LRRC46: variants seen among roughly 807,000 people sequenced by gnomAD.
The protein encoded by LRRC46 is leucine-rich repeat-containing protein 46.
LRRC46 carries 20 observed loss-of-function variants against 28.0 expected under a neutral mutation model. That is an observed-to-expected ratio of 0.71 (90% CI 0.50 to 1.04). LRRC46 has a LOEUF of 1.04. Among genes scored for constraint, LRRC46 ranks in the 50% least tolerant of loss-of-function variants. The probability of loss-of-function intolerance (pLI) is 0.00; values close to 1 mark genes in which losing one functional copy is unlikely to be tolerated. For synonymous variants in LRRC46, 156 were observed against 158.8 expected (o/e 0.98, Z 0.13); for missense variants, 315 against 390.1 (o/e 0.81, Z 1.62).
intron 2 of LRRC46, chr17:47,833,842 C>G (rs2033664464): frequency 1.3e-6 from 1 of 759,872 alleles, no homozygotes. Context: ...CCTCGACCTC[C>G]TGGGCTCGAG....
At chr17:47,833,558 C>T (rs1475607178) in intron 2 of LRRC46, among the ~76,000 whole-genome samples, 3 of 151,380 alleles carry the variant, frequency 2.0e-5, no homozygotes, top group Non-Finnish European at 4.4e-5. Flanking sequence ...AAGCGATTCT[C>T]CAGCCTCAGC....
chr17:47,835,537 C>A, intron 4 of LRRC46, 129 bp from the exon 5 acceptor site: 1 of 1,367,472 alleles, frequency 7.3e-7, no homozygotes, highest in South Asian at 1.2e-5. Flanking sequence ...TCCCTCACCC[C>A]AGAAGGCCAT....
rs777289871 is a variant in LRRC46, at chr17:47,836,116, G to A, written c.452+14G>A. ...GGATGGCTACCGGTAAGGAGTGGAGGGTGGGAAGAAAGGTCATGGCTGAGC... is the reference window on the plus strand; with the variant it reads ...GGATGGCTACCGGTAAGGAGTGGAGAGTGGGAAGAAAGGTCATGGCTGAGC... On this transcript the variant is annotated intron_variant, in intron 6 of 7. Transcript: ENST00000269025. The surrounding 1 kb of genome is among the most constrained non-coding windows in gnomAD (Gnocchi z 5.8). 2.5e-6 allele frequency: 4 copies of A among 1,613,940 alleles called. No homozygotes were observed. The highest frequency in any genetic ancestry group is 3.4e-6 in the Non-Finnish European group (4 of 1,179,850).
At chr17:47,834,001 G>A (rs751587462) in intron 2 of LRRC46, 138 of 987,306 alleles carry the variant, frequency 1.4e-4, no homozygotes, top group Non-Finnish European at 1.6e-4. Context: ...GAATGAATGG[G>A]TGGATGGAAC....
intron 2 of LRRC46, among the ~76,000 whole-genome samples, chr17:47,832,511 G>A (rs2033646866): frequency 6.6e-6 from 1 of 151,962 alleles, no homozygotes; most frequent in Non-Finnish European, 1.5e-5. Flanking sequence ...AATAGAGACA[G>A]AATCCTATCT....
rs778753001 is a variant in LRRC46 at position 47,837,657 on chromosome 17, AC to A, written c.*542del. 161 of 752,568 alleles carry A rather than the reference AC, an allele frequency of 2.1e-4. No individual in the cohort carries two copies. The highest frequency in any genetic ancestry group is 3.1e-4 in the Non-Finnish European group (153 of 500,060). The allele number at this position is 752,568 out of a possible 1,614,324, so 46.6% of individuals were successfully genotyped here. ...CCTTTGGGCCTCACTTGGCTCTCCC[AC>A]CCCCACTGGTCCTGGGATAAAGTTC... is the stretch of plus-strand genomic sequence containing the variant. On this transcript the variant is annotated 3_prime_UTR_variant, in exon 8 of 8. Transcript: ENST00000269025.
At chr17:47,833,365 C>A (rs1448703112) in intron 2 of LRRC46, among the ~76,000 whole-genome samples, 1 of 151,700 alleles carries the variant, frequency 6.6e-6, no homozygotes, top group Non-Finnish European at 1.5e-5. Context: ...CTTCCTCCTT[C>A]TTTCCCTTCT....
rs2033678493 is a variant in LRRC46, at chr17:47,835,120, G to A, written c.226-233G>A. On this transcript the variant is annotated intron_variant, in intron 3 of 7. Transcript: ENST00000269025. ...ACTCTTTGGTTGTGGAATCAGAAGA[G>A]TATACGTAGTCAGGTTTAGATACCC... is the stretch of plus-strand genomic sequence containing the variant. The A allele has an allele frequency of 5.3e-6, 3 of 569,398 alleles. No homozygotes were observed. The South Asian group carries it at 6.0e-5, about 11-fold the overall frequency. 35.3% of individuals were successfully genotyped at this position (569,398 alleles called of 1,614,324 possible).
rs1269138579 is a variant in LRRC46, at chr17:47,836,784, G to A, written c.630G>A (p.Arg210=). The change falls in exon 8 of 8, where the codon AGG becomes AGA. Residue 210 remains arginine, a synonymous_variant. Transcript: ENST00000269025. This position sits in a 1 kb window ranked among gnomAD's most constrained non-coding sequence, Gnocchi z 5.8. The part of the protein sequence containing the change: ...FLKELEQELS[R]HREHRQQTAL... The stretch of plus-strand genomic sequence containing the variant: ...AGGAGCTGGAGCAGGAGCTGAGCAG[G>A]CACAGGGAGCACCGGCAACAGACGG... The A allele has an allele frequency of 1.2e-6, 2 of 1,613,644 alleles. No individual in the cohort carries two copies. Among genetic ancestry groups the A allele is most frequent in the Non-Finnish European group, 1.7e-6 (2 of 1,179,948 alleles).
chr17:47,835,907 G>A, intron 5 of LRRC46, 126 bp from the exon 6 acceptor site: 2 of 1,309,050 alleles, frequency 1.5e-6, no homozygotes. Flanking sequence ...GGAGTTCAAG[G>A]GGTTGTGCCT....
Position 47,836,853 on chromosome 17 carries a change from CA to C in LRRC46, c.700del (p.Thr234ProfsTer47). 1 of 1,613,986 alleles carries C rather than the reference CA, an allele frequency of 6.2e-7. No homozygotes were observed. Among genetic ancestry groups the C allele is most frequent in the African/African-American group, 1.3e-5 (1 of 75,028 alleles). ...TGAGGATGGAGATGCAGCCCACCCT[CA>C]CCGACCTGCCCCTGCTACCTGGGGT... Reference protein sequence around the residue: ...LLRMEMQPTLTDLPLLPGVPM... With the variant: ...LLRMEMQPTLXDLPLLPGVPM... On this transcript the variant is annotated frameshift_variant, in exon 8 of 8. Transcript: ENST00000269025. LOFTEE classifies it low-confidence loss of function (END_TRUNC). The surrounding 1 kb of genome is among the most constrained non-coding windows in gnomAD (Gnocchi z 5.8).
chr17:47,835,146 C>A, intron 3 of LRRC46: 1 of 621,390 alleles, frequency 1.6e-6, no homozygotes, highest in Non-Finnish European at 2.9e-6. Context: ...TTAGATACCC[C>A]AGGTTTACAC....
chr17:47,834,603 C>A, intron 3 of LRRC46, 70 bp downstream of exon 3: 1 of 1,005,866 alleles, frequency 9.9e-7, no homozygotes. Flanking sequence ...CTGAAAGGAG[C>A]CAACCAGGTC....
Position 47,835,655 on chromosome 17 carries a change from T to C in LRRC46, c.273-11T>C. On this transcript the variant is annotated splice_polypyrimidine_tract_variant and intron_variant, in intron 4 of 7. Coordinates refer to ENST00000269025, the MANE Select transcript of LRRC46 (RefSeq NM_033413.4). ...TCAGCTCTGCCTCTGTACCCCTTCC[T>C]TCCCCTACAGCTTCCTGTCTCTGGC... 6.2e-7 allele frequency: 1 copy of C among 1,612,504 alleles called. No individual in the cohort carries two copies. The highest frequency in any genetic ancestry group is 1.3e-5 in the African/African-American group (1 of 75,020).
Position 47,835,340 on chromosome 17 carries a change from T to C in LRRC46, c.226-13T>C. On this transcript the variant is annotated splice_polypyrimidine_tract_variant and intron_variant, in intron 3 of 7. Coordinates refer to ENST00000269025, the MANE Select transcript of LRRC46 (RefSeq NM_033413.4). ...TCTCAGCTTGGTTTCCCCACTTCGG[T>C]TTCTTCTTGCAGAATAAGATCCAGC... is the stretch of plus-strand genomic sequence containing the variant. 1 of 1,614,166 alleles carries C rather than the reference T, an allele frequency of 6.2e-7. No individual in the cohort carries two copies. Among genetic ancestry groups the C allele is most frequent in the Non-Finnish European group, 8.5e-7 (1 of 1,180,018 alleles).
chr17:47,834,369 GCTAAGAGACCA>G, intron 2 of LRRC46, 45 bp from the exon 3 acceptor site: 2 of 1,302,228 alleles, frequency 1.5e-6, no homozygotes, highest in Non-Finnish European at 2.2e-6. Context: ...CATCCTCCCT[GCTAAGAGACCA>G]CATGAGTGGT....
intron 3 of LRRC46, 32 bp downstream of exon 3, chr17:47,834,565 TGACCCCTGTG>T (rs1567953333): frequency 6.9e-7 from 1 of 1,456,966 alleles, no homozygotes; most frequent in Non-Finnish European, 9.6e-7. Context: ...CCCCTCCCCT[TGACCCCTGTG>T]GACCTAATCT....
rs1458633814 is a variant in LRRC46 at position 47,837,208 on chromosome 17, A to C, written c.*88A>C. 6.5e-7 allele frequency: 1 copy of C among 1,536,494 alleles called. No individual in the cohort carries two copies. Among genetic ancestry groups the C allele is most frequent in the Non-Finnish European group, 8.7e-7 (1 of 1,143,380 alleles). ...TGACCTGTGACAGAAGCCCATCCCC[A>C]GTAAAGTGTCTCTAGGCCCTGAGTA... On this transcript the variant is annotated 3_prime_UTR_variant, in exon 8 of 8. Transcript: ENST00000269025.
intron 3 of LRRC46, chr17:47,834,787 G>A (rs890150491): frequency 3.2e-5 from 11 of 347,028 alleles, no homozygotes; most frequent in African/African-American, 2.3e-4. Context: ...GTTCTTTTTG[G>A]CATCTACTCT....
Sources: gnomAD v4.1 joint callset for allele counts (sites outside exome capture counted in the v4.1 genomes callset) on GRCh38, gnomAD v4.1.1 for gene constraint, Gnocchi (gnomAD v3.1) non-coding constraint, MANE v1.5 for transcripts, NCBI Gene and HGNC (gene_info 2026-07-23, HGNC 2026-07-21) for gene names.